Variants in CFAP69 observed in about 807,000 individuals in gnomAD.
The protein encoded by CFAP69 is cilia- and flagella-associated protein 69.
A neutral mutation model predicts 123.0 loss-of-function variants in CFAP69; 92 were observed. That is an observed-to-expected ratio of 0.75 (90% CI 0.63 to 0.89). The LOEUF is 0.89. Among genes scored for constraint, CFAP69 ranks in the 40% least tolerant of loss-of-function variants. The pLI is 0.00. For missense variants in CFAP69, 1,067 were observed against 1,096.9 expected, an observed-to-expected ratio of 0.97 and a Z score of 0.39; for synonymous variants, 380 against 364.3, an observed-to-expected ratio of 1.04 and a Z score of -0.49.
chr7:90,273,219 A>G (rs10226014), intron 8 of CFAP69, among the ~76,000 whole-genome samples: 69,607 of 152,016 alleles, frequency 0.46, 17,014 homozygotes, highest in Non-Finnish European at 0.55. Flanking sequence ...AAGTGAAAAT[A>G]TAATTAGCAA....
chr7:90,286,454 A>G (rs1458614513), intron 14 of CFAP69, 55 bp downstream of exon 14: 2 of 1,551,480 alleles, frequency 1.3e-6, no homozygotes, highest in East Asian at 4.5e-5. Flanking sequence ...AACACTATAA[A>G]CTATTTTTGG....
At chr7:90,293,724 CA>C (rs1791535009) in intron 15 of CFAP69, among the ~76,000 whole-genome samples, 1 of 152,114 alleles carries the variant, frequency 6.6e-6, no homozygotes, top group Admixed American at 6.6e-5. Flanking sequence ...TTGCTTTTGG[CA>C]AAAAGCTTGG....
At chr7:90,270,852 G>A (rs1343147440) in intron 6 of CFAP69, among the ~76,000 whole-genome samples, 1 of 152,050 alleles carries the variant, frequency 6.6e-6, no homozygotes, top group Non-Finnish European at 1.5e-5. Flanking sequence ...TTTCTCACAG[G>A]TGCTAAGACA....
chr7:90,323,216 T>A, the CFAP69 span, among the ~76,000 whole-genome samples: 1 of 152,184 alleles, frequency 6.6e-6, no homozygotes, highest in Non-Finnish European at 1.5e-5. Flanking sequence ...ATGTGAGTGA[T>A]TTTTCTGAAG....
chr7:90,301,658 T>A lies in CFAP69; in HGVS notation c.2050+1599T>A, dbSNP rs1265560552. On this transcript the variant is annotated intron_variant, in intron 17 of 22. Coordinates refer to ENST00000389297, the MANE Select transcript of CFAP69 (RefSeq NM_001039706.3). ...ATCCATGTTCCCTCAAAATACATGATCTCACTATTTTTATGGCTGCATAGC... is the reference window on the plus strand; with the variant it reads ...ATCCATGTTCCCTCAAAATACATGAACTCACTATTTTTATGGCTGCATAGC... 3 of 152,336 alleles carry A rather than the reference T, an allele frequency of 2.0e-5. No individual in the cohort carries two copies. The East Asian group carries it at 5.8e-4, about 29-fold the overall frequency. 9.4% of individuals were successfully genotyped at this position (152,336 alleles called of 1,614,324 possible).
Position 90,245,562 on chromosome 7 carries a change from T to C in CFAP69, c.120+18T>C, listed in dbSNP as rs1584265307. On this transcript the variant is annotated intron_variant, in intron 1 of 22. Coordinates refer to ENST00000389297, the MANE Select transcript of CFAP69 (RefSeq NM_001039706.3). Reference sequence around the variant, plus strand: ...AGGCGCAGGTATGAGCAGGTGTCTGTGCTTTCAGAGGTGGAGGGGGTGGGA... The same window carrying C: ...AGGCGCAGGTATGAGCAGGTGTCTGCGCTTTCAGAGGTGGAGGGGGTGGGA... 7.5e-6 allele frequency: 11 copies of C among 1,461,340 alleles called. No individual in the cohort carries two copies. In the East Asian group the frequency reaches 3.0e-4, roughly 40 times the overall value. The allele number at this position is 1,461,340 out of a possible 1,614,324, so 90.5% of individuals were successfully genotyped here.
chr7:90,307,722 A>T, intron 20 of CFAP69, 46 bp from the exon 21 acceptor site: 1 of 1,373,068 alleles, frequency 7.3e-7, no homozygotes, highest in Non-Finnish European at 1.0e-6. Flanking sequence ...TCAAAAAAAA[A>T]AAAGAAAAAA....
chr7:90,279,038 T>G (rs1285448900), intron 11 of CFAP69, among the ~76,000 whole-genome samples: 1 of 152,206 alleles, frequency 6.6e-6, no homozygotes, highest in Non-Finnish European at 1.5e-5. Context: ...TTAATTCTGT[T>G]GTCATAATAG....
chr7:90,301,770 A>C (rs1388050661), intron 17 of CFAP69: 1 of 152,196 alleles, frequency 6.6e-6, no homozygotes, highest in Non-Finnish European at 1.5e-5. Flanking sequence ...GCTATTGTGA[A>C]TAGTGCTGCA....
At chr7:90,276,067 C>T (rs1329149686) in intron 9 of CFAP69, 1 of 152,116 alleles carries the variant, frequency 6.6e-6, no homozygotes, top group Non-Finnish European at 1.5e-5. Context: ...GAAGCTGAGC[C>T]TTCACATATT....
intron 21 of CFAP69, 24 bp from the exon 22 acceptor site, chr7:90,309,239 T>G: frequency 1.8e-6 from 2 of 1,135,934 alleles, no homozygotes; most frequent in Non-Finnish European, 2.5e-6. Flanking sequence ...ATTAATATTT[T>G]CTTTCTAATT....
chr7:90,279,024 T>G (rs1468551551), intron 11 of CFAP69, among the ~76,000 whole-genome samples: 4 of 152,186 alleles, frequency 2.6e-5, no homozygotes, highest in Non-Finnish European at 5.9e-5. Flanking sequence ...CAGAATCAGC[T>G]GTATTAATTC....
At chr7:90,266,153 T>C (rs528254350) in intron 5 of CFAP69, 1 of 152,296 alleles carries the variant, frequency 6.6e-6, no homozygotes, top group Non-Finnish European at 1.5e-5. Flanking sequence ...TATAGAAAGA[T>C]GTTAGAGATT....
At chr7:90,247,511 G>A (rs1395478691) in intron 1 of CFAP69, among the ~76,000 whole-genome samples, 2 of 152,082 alleles carry the variant, frequency 1.3e-5, no homozygotes, top group South Asian at 2.1e-4. Flanking sequence ...CTATCAAATG[G>A]AGATAATGAC....
intron 1 of CFAP69, among the ~76,000 whole-genome samples, chr7:90,246,815 G>T (rs1341821348): frequency 8.2e-4 from 118 of 143,756 alleles, no homozygotes; most frequent in African/African-American, 2.8e-3. Flanking sequence ...AGCAAGCGTG[G>T]ATTTTTTTTT....
chr7:90,321,394 C>G, the CFAP69 span: 1 of 152,540 alleles, frequency 6.6e-6, no homozygotes, highest in African/African-American at 2.4e-5. Context: ...TCCCTGACCT[C>G]GCCCAACTTC....
chr7:90,301,861 C>G (rs117359822), intron 17 of CFAP69: 3 of 152,114 alleles, frequency 2.0e-5, no homozygotes, highest in Admixed American at 6.6e-5. Context: ...ATTGCTGGGT[C>G]GAATAGTAGT....
intron 19 of CFAP69, among the ~76,000 whole-genome samples, chr7:90,306,278 C>T (rs1427582012): frequency 1.3e-5 from 2 of 152,150 alleles, no homozygotes; most frequent in South Asian, 2.1e-4. Context: ...GTCCAGCACA[C>T]TTCTGCTGCA....
At chr7:90,272,536 G>A (rs940635316) in intron 8 of CFAP69, among the ~76,000 whole-genome samples, 1 of 152,114 alleles carries the variant, frequency 6.6e-6, no homozygotes, top group Admixed American at 6.6e-5. Context: ...ATGTTCTTCA[G>A]AAGAAGATCA....
Sources: allele counts gnomAD v4.1 joint callset (sites outside exome capture counted in the v4.1 genomes callset), GRCh38; gene constraint gnomAD v4.1.1; transcripts MANE v1.5; gene names NCBI Gene and HGNC (gene_info 2026-07-23, HGNC 2026-07-21).